CACNA2D3: variants seen among roughly 807,000 people sequenced by gnomAD.
The protein encoded by CACNA2D3 is calcium voltage-gated channel auxiliary subunit alpha2delta 3.
In CACNA2D3, 60 loss-of-function variants were observed where a neutral mutation model predicts 160.6. That is an observed-to-expected ratio of 0.37 (90% confidence interval 0.30 to 0.46). The LOEUF is 0.46. Ranked by LOEUF, CACNA2D3 falls within the 20% of genes least tolerant of loss-of-function variation. CACNA2D3 has a pLI of 1.00. For synonymous variants in CACNA2D3, 558 were observed against 492.9 expected (o/e 1.13, Z -1.75); for missense variants, 1,205 against 1,365.0 (o/e 0.88, Z 1.85).
At chr3:54,414,412 T>G (rs1469837247) in intron 4 of CACNA2D3, among the ~76,000 whole-genome samples, 1 of 152,134 alleles carries the variant, frequency 6.6e-6, no homozygotes, top group African/African-American at 2.4e-5. Context: ...AGTGCAACTT[T>G]ACAGTAATGA....
At chr3:54,930,663 A>G (rs79087517) in intron 27 of CACNA2D3, among the ~76,000 whole-genome samples, 5,625 of 152,318 alleles carry the variant, frequency 0.037, 307 homozygotes, top group African/African-American at 0.12. Context: ...CTAAAGTTCT[A>G]TGGTCCTGGG....
intron 4 of CACNA2D3, among the ~76,000 whole-genome samples, chr3:54,468,486 A>G (rs534381402): frequency 5.4e-4 from 82 of 152,244 alleles, no homozygotes; most frequent in Admixed American, 4.2e-3. Flanking sequence ...CCTGGGTTTC[A>G]AGCACAAAAT....
At chr3:54,845,833 A>G (rs1339790977) in intron 16 of CACNA2D3, among the ~76,000 whole-genome samples, 1 of 152,230 alleles carries the variant, frequency 6.6e-6, no homozygotes, top group Non-Finnish European at 1.5e-5. Flanking sequence ...TTTGAAGACG[A>G]AAGGATATGA....
At chr3:54,847,546 A>G (rs141261033) in intron 17 of CACNA2D3, among the ~76,000 whole-genome samples, 1,738 of 152,330 alleles carry the variant, frequency 0.011, 35 homozygotes, top group African/African-American at 0.04. Flanking sequence ...TGAGAGCTCC[A>G]TCATCATGCA....
intron 11 of CACNA2D3, among the ~76,000 whole-genome samples, chr3:54,735,307 C>G (rs1225048726): frequency 6.6e-6 from 1 of 152,230 alleles, no homozygotes; most frequent in Non-Finnish European, 1.5e-5. Flanking sequence ...CTGGGAAGCT[C>G]TGCCCCCATA....
chr3:54,933,468 T>TA (rs927353009), intron 27 of CACNA2D3, among the ~76,000 whole-genome samples: 33 of 152,284 alleles, frequency 2.2e-4, no homozygotes, highest in African/African-American at 7.7e-4. Flanking sequence ...AAAAGGTACT[T>TA]ACCACTTCTG....
intron 4 of CACNA2D3, among the ~76,000 whole-genome samples, chr3:54,462,827 G>T (rs1190890908): frequency 6.6e-6 from 1 of 151,468 alleles, no homozygotes; most frequent in African/African-American, 2.4e-5. Context: ...TATGACGTTA[G>T]CTGGTGATTT....
At chr3:54,157,910 C>T (rs979127888) in intron 2 of CACNA2D3, among the ~76,000 whole-genome samples, 5 of 150,778 alleles carry the variant, frequency 3.3e-5, no homozygotes, top group African/African-American at 7.3e-5. Context: ...TTCCTTGTAA[C>T]GATTACATGC....
At chr3:54,475,514 A>G (rs935089947) in intron 4 of CACNA2D3, among the ~76,000 whole-genome samples, 1 of 151,880 alleles carries the variant, frequency 6.6e-6, no homozygotes, top group African/African-American at 2.4e-5. Context: ...AAGTTAGTCA[A>G]CATACTTGGG....
chr3:54,280,064 G>GTTTA lies in CACNA2D3; in HGVS notation c.205-40375_205-40374insATTT, dbSNP rs1236864026. 1.5e-4 allele frequency among the ~76,000 whole-genome samples: 20 copies of GTTTA among 131,412 alleles called. 1 individual carries two copies. The highest frequency in any genetic ancestry group is 1.4e-3 in the South Asian group (6 of 4,162). The allele number at this position is 131,412 out of a possible 152,430, so 86.2% of individuals were successfully genotyped here. A position where few individuals can be genotyped will look rare whatever the true frequency, so the allele number is the denominator to read the frequency against. On this transcript the variant is annotated intron_variant, in intron 2 of 37. Coordinates refer to ENST00000474759, the MANE Select transcript of CACNA2D3 (RefSeq NM_018398.3). ...ACAAAGATGACTTGTTTGTTTGTTTGTTTGTTTATTTATTTATTTATTTAT... is the reference window on the plus strand; with the variant it reads ...ACAAAGATGACTTGTTTGTTTGTTTGTTTATTTGTTTATTTATTTATTTATTTAT...
chr3:54,998,877 G>A (rs1370815013), intron 31 of CACNA2D3, among the ~76,000 whole-genome samples: 3 of 152,084 alleles, frequency 2.0e-5, no homozygotes, highest in Non-Finnish European at 2.9e-5. Context: ...CTCCCGAGTA[G>A]CTGGGACTAC....
chr3:54,629,765 TAC>T (rs1416367101), intron 10 of CACNA2D3, among the ~76,000 whole-genome samples: 2 of 152,180 alleles, frequency 1.3e-5, no homozygotes, highest in Admixed American at 6.5e-5. Flanking sequence ...AAAGACCTGT[TAC>T]AGTTTGAAAA....
intron 17 of CACNA2D3, among the ~76,000 whole-genome samples, chr3:54,866,443 C>T (rs1486987280): frequency 6.6e-6 from 1 of 152,174 alleles, no homozygotes; most frequent in Non-Finnish European, 1.5e-5. Flanking sequence ...CCCAGATAAT[C>T]GCTGGCTGTC....
Position 54,593,279 on chromosome 3 carries a change from A to G in CACNA2D3, c.963+11402A>G, listed in dbSNP as rs114293074. ...ACAAGAATAAAGTAGGTTTATATAT[A>G]TTACCACAAAAGAGTGATAATCATA... On this transcript the variant is annotated intron_variant, in intron 9 of 37. Coordinates refer to ENST00000474759, the MANE Select transcript of CACNA2D3 (RefSeq NM_018398.3). 7.7e-3 allele frequency among the ~76,000 whole-genome samples: 1,174 copies of G among 152,300 alleles called. 17 individuals are homozygous for G. Among genetic ancestry groups the G allele is most frequent in the African/African-American group, 0.027 (1,118 of 41,554 alleles).
rs186744367 is a variant in CACNA2D3 at position 54,542,641 on chromosome 3, G to A, written c.545-20159G>A. On this transcript the variant is annotated intron_variant, in intron 5 of 37. Transcript: ENST00000474759. ...GCAGCACAGGAGAAACATGAAGGCC[G>A]GCAGACTCAGCAAGTCTACTTTTCC... is the stretch of plus-strand genomic sequence containing the variant. Among the ~76,000 whole-genome samples, 492 of 152,186 alleles carry A rather than the reference G, an allele frequency of 3.2e-3. 3 individuals carry two copies. The highest frequency in any genetic ancestry group is 4.1e-3 in the African/African-American group (170 of 41,508).
chr3:54,668,323 A>C (rs946690086), intron 11 of CACNA2D3, among the ~76,000 whole-genome samples: 3 of 152,182 alleles, frequency 2.0e-5, no homozygotes, highest in African/African-American at 7.2e-5. Context: ...CCATTTGTAC[A>C]ATAACATTTA....
At chr3:54,343,195 C>A (rs138014449) in intron 3 of CACNA2D3, among the ~76,000 whole-genome samples, 2 of 152,198 alleles carry the variant, frequency 1.3e-5, no homozygotes, top group Non-Finnish European at 2.9e-5. Context: ...AAAGCCCCCC[C>A]CTCCCACGAG....
At chr3:54,706,740 G>A (rs71619809) in intron 11 of CACNA2D3, among the ~76,000 whole-genome samples, 1 of 152,202 alleles carries the variant, frequency 6.6e-6, no homozygotes, top group African/African-American at 2.4e-5. Flanking sequence ...GGAGCAGTGG[G>A]AGGCTGCGTG....
chr3:54,310,746 C>T (rs767711714), intron 2 of CACNA2D3, among the ~76,000 whole-genome samples: 1 of 152,184 alleles, frequency 6.6e-6, no homozygotes, highest in Non-Finnish European at 1.5e-5. Flanking sequence ...TATTACTTCT[C>T]CCATCACCAT....
Sources: gnomAD v4.1 joint callset for allele counts (sites outside exome capture counted in the v4.1 genomes callset) on GRCh38, gnomAD v4.1.1 for gene constraint, MANE v1.5 for transcripts, NCBI Gene and HGNC (gene_info 2026-07-23, HGNC 2026-07-21) for gene names.